Variants in GOSR2 observed in about 807,000 individuals in gnomAD.
GOSR2 encodes the protein golgi SNAP receptor complex member 2.
Under a neutral mutation model 27.9 loss-of-function variants are expected in GOSR2, and 20 were observed. The observed-to-expected ratio is 0.72, with a 90% confidence interval of 0.50 to 1.04. GOSR2 has a LOEUF of 1.04. Ranked by LOEUF, GOSR2 falls within the 50% of genes least tolerant of loss-of-function variation. The probability of loss-of-function intolerance (pLI) is 0.00; values close to 1 mark genes in which losing one functional copy is unlikely to be tolerated. For missense variants in GOSR2, 261 were observed against 270.5 expected, an observed-to-expected ratio of 0.97 and a Z score of 0.25; for synonymous variants, 91 against 98.8, an observed-to-expected ratio of 0.92 and a Z score of 0.47.
intron 6 of GOSR2, among the ~76,000 whole-genome samples, chr17:46,952,019 G>T (rs867651847): frequency 6.6e-6 from 1 of 152,130 alleles, no homozygotes; most frequent in Non-Finnish European, 1.5e-5. Flanking sequence ...ATATAACTTC[G>T]TATATATTGC....
intron 1 of GOSR2, chr17:46,924,130 T>G: frequency 2.9e-6 from 1 of 339,204 alleles, no homozygotes. Context: ...CTTCATTTCT[T>G]CCTTCCAGAA....
At chr17:46,932,027 T>TGAGTTCCTCAGCA in intron 3 of GOSR2, 40 bp from the exon 4 acceptor site, 1 of 1,606,318 alleles carries the variant, frequency 6.2e-7, no homozygotes, top group Non-Finnish European at 8.5e-7. Context: ...TCTGCTGCCC[T>TGAGTTCCTCAGCA]GAGTTCCTGG....
At chr17:46,935,554 C>T (rs879811529) in intron 5 of GOSR2, 6 of 1,215,120 alleles carry the variant, frequency 4.9e-6, no homozygotes, top group Non-Finnish European at 6.2e-6. Context: ...GTGGCTTTCC[C>T]TTAGGACCCC....
chr17:46,927,897 A>T (rs2086726514), intron 1 of GOSR2, among the ~76,000 whole-genome samples: 1 of 151,526 alleles, frequency 6.6e-6, no homozygotes, highest in East Asian at 1.9e-4. Flanking sequence ...CAACTTTCAG[A>T]TTTTTCTGTT....
intron 6 of GOSR2, among the ~76,000 whole-genome samples, chr17:46,962,519 G>A (rs993360291): frequency 2.6e-5 from 4 of 152,148 alleles, no homozygotes; most frequent in Non-Finnish European, 5.9e-5. Flanking sequence ...AATTATTGAG[G>A]TCTGGAAACT....
In GOSR2 at chr17:46,940,556, C is replaced by T; in HGVS notation, c.*1796C>T. 1 of 1,614,158 alleles carries T rather than the reference C, an allele frequency of 6.2e-7. No individual in the cohort carries two copies. Among genetic ancestry groups the T allele is most frequent in the East Asian group, 2.2e-5 (1 of 44,890 alleles). On this transcript the variant is annotated 3_prime_UTR_variant, in exon 6 of 6. Transcript: ENST00000640051. ...CGGCAAGGCTGTCCTGTCCCCCAGG[C>T]ACCCAAGGATCCTGCCAGACAGCAC... is the stretch of plus-strand genomic sequence containing the variant.
intron 6 of GOSR2, among the ~76,000 whole-genome samples, chr17:46,966,079 C>T (rs372571286): frequency 4.6e-5 from 7 of 152,156 alleles, no homozygotes; most frequent in Non-Finnish European, 7.3e-5. Context: ...ATATGTCTAA[C>T]GATGGATCAT....
chr17:46,940,184 C>A lies in GOSR2; in HGVS notation c.*1424C>A. The A allele has an allele frequency of 7.3e-7, 1 of 1,371,366 alleles. No homozygotes were observed. The allele number at this position is 1,371,366 out of a possible 1,614,324, so 84.9% of individuals were successfully genotyped here. On this transcript the variant is annotated 3_prime_UTR_variant, in exon 6 of 6. Transcript: ENST00000640051. ...CCTTTCAGGCACCTCTGTGGCATAG[C>A]TCCCCTTTGGTAAGTTTTCTTAATT...
At chr17:46,944,076 G>C (rs1008544433), downstream of GOSR2, among the ~76,000 whole-genome samples, 3 of 152,182 alleles carry the variant, frequency 2.0e-5, no homozygotes, top group African/African-American at 7.2e-5. Flanking sequence ...CTGGAGAGCT[G>C]GCAGAGGCTG....
At chr17:46,944,702 C>T (rs867213162), downstream of GOSR2, among the ~76,000 whole-genome samples, 3 of 151,596 alleles carry the variant, frequency 2.0e-5, no homozygotes, top group Non-Finnish European at 4.4e-5. Flanking sequence ...TGGGTTCAAG[C>T]GATTCTCCTG....
intron 1 of GOSR2, chr17:46,924,414 C>T (rs2086184131): frequency 6.6e-6 from 1 of 152,200 alleles, no homozygotes; most frequent in African/African-American, 2.4e-5. Flanking sequence ...AATAATACTG[C>T]TATGAACTCT....
At chr17:46,953,748 G>A (rs902440132) in intron 6 of GOSR2, among the ~76,000 whole-genome samples, 38 of 152,284 alleles carry the variant, frequency 2.5e-4, no homozygotes, top group African/African-American at 8.9e-4. Context: ...GTGTGAGATG[G>A]TATCTCATTG....
rs1391718052 is a variant in GOSR2 at position 46,941,518 on chromosome 17, T to C, written c.*2758T>C. ...GGGGAAGCTTTTTAAAATTACATAT[T>C]CCTGGGGCCTACCCCAGATCTGAAT... On this transcript the variant is annotated 3_prime_UTR_variant, in exon 6 of 6. Coordinates refer to ENST00000640051, the MANE Select transcript of GOSR2 (RefSeq NM_004287.5). The C allele has an allele frequency of 2.0e-6, 1 of 503,348 alleles. No individual in the cohort carries two copies. Among genetic ancestry groups the C allele is most frequent in the Non-Finnish European group, 2.6e-6 (1 of 389,570 alleles). The allele number at this position is 503,348 out of a possible 1,614,324, so 31.2% of individuals were successfully genotyped here. A position where few individuals can be genotyped will look rare whatever the true frequency, so the allele number is the denominator to read the frequency against.
downstream of GOSR2, among the ~76,000 whole-genome samples, chr17:46,942,258 C>G (rs746596383): frequency 2.6e-5 from 4 of 152,216 alleles, no homozygotes; most frequent in Non-Finnish European, 5.9e-5. Flanking sequence ...GACATTTTCT[C>G]AAGGGAAAGC....
chr17:46,937,746 C>T (rs1201366910), intron 5 of GOSR2: 1 of 152,202 alleles, frequency 6.6e-6, no homozygotes, highest in African/African-American at 2.4e-5. Context: ...ATATTGTTAC[C>T]TATTTAATTC....
chr17:46,950,356 A>G (rs1361080530), intron 6 of GOSR2, among the ~76,000 whole-genome samples: 1 of 152,184 alleles, frequency 6.6e-6, no homozygotes, highest in Non-Finnish European at 1.5e-5. Flanking sequence ...TGAAAGGGCC[A>G]GGAGGGTGAG....
intron 6 of GOSR2, among the ~76,000 whole-genome samples, chr17:46,951,733 A>C (rs2090364936): frequency 6.6e-6 from 1 of 152,210 alleles, no homozygotes; most frequent in Admixed American, 6.5e-5. Context: ...CAAGAGGAAA[A>C]GGAAACCTCT....
intron 5 of GOSR2, chr17:46,936,659 A>T (rs1164839662): frequency 1.0e-6 from 1 of 984,966 alleles, no homozygotes; most frequent in East Asian, 1.1e-4. Flanking sequence ...TTTGAAATTT[A>T]TGGTCATTTT....
intron 2 of GOSR2, 44 bp downstream of exon 2, chr17:46,929,628 A>G (rs745327398): frequency 1.0e-6 from 1 of 971,628 alleles, no homozygotes; most frequent in Non-Finnish European, 1.7e-6. Flanking sequence ...CTCTGATGAC[A>G]GGGTGCTAAT....
Sources: gnomAD v4.1 joint callset for allele counts (sites outside exome capture counted in the v4.1 genomes callset) on GRCh38, gnomAD v4.1.1 for gene constraint, MANE v1.5 for transcripts, NCBI Gene and HGNC (gene_info 2026-07-23, HGNC 2026-07-21) for gene names.